The following PRELID2 variants were observed in gnomAD, a reference collection of about 807,000 sequenced individuals.
PRELID2 encodes the protein PRELI domain-containing protein 2.
Under a neutral mutation model 28.4 loss-of-function variants are expected in PRELID2, and 25 were observed. The ratio of observed to expected loss-of-function variants is 0.88; its 90% CI spans 0.64 to 1.23. PRELID2 has a LOEUF of 1.23. Among genes scored for constraint, PRELID2 ranks in the 50% most tolerant of loss-of-function variants. PRELID2 has a pLI of 0.00. For missense variants in PRELID2, 201 were observed against 214.4 expected (o/e 0.94, Z 0.39); for synonymous variants, 76 against 71.6 (o/e 1.06, Z -0.31).
intron 1 of PRELID2, among the ~76,000 whole-genome samples, chr5:145,673,810 CTATTAT>C (rs990473763): frequency 4.6e-5 from 7 of 152,146 alleles, no homozygotes; most frequent in Admixed American, 1.3e-4. Flanking sequence ...AGGACAATAA[CTATTAT>C]TATTATTACA....
At chr5:145,291,688 A>C in the PRELID2 span, among the ~76,000 whole-genome samples, 1 of 152,124 alleles carries the variant, frequency 6.6e-6, no homozygotes, top group Non-Finnish European at 1.5e-5. Flanking sequence ...GTTGTTTCTA[A>C]AAACTCACCA....
the PRELID2 span, among the ~76,000 whole-genome samples, chr5:145,416,398 A>G: frequency 6.6e-6 from 1 of 152,028 alleles, no homozygotes; most frequent in Admixed American, 6.6e-5. Flanking sequence ...AATGGCAACA[A>G]AAGACAAAAT....
the PRELID2 span, among the ~76,000 whole-genome samples, chr5:145,304,275 T>C: frequency 2.0e-5 from 3 of 152,194 alleles, no homozygotes; most frequent in Non-Finnish European, 2.9e-5. Context: ...ATTATTATGA[T>C]TATTACTATT....
chr5:145,740,265 AATATATATATATATATATATATAT>A (rs70998029), intron 1 of PRELID2, among the ~76,000 whole-genome samples: 1,667 of 40,712 alleles, frequency 0.041, 65 homozygotes, highest in East Asian at 0.13. Context: ...GGATTTATCA[AATATATATATATATATATATATAT>A]ATATATATAT....
chr5:145,697,058 T>C (rs1235962450), intron 1 of PRELID2, among the ~76,000 whole-genome samples: 1 of 119,996 alleles, frequency 8.3e-6, no homozygotes, highest in South Asian at 2.4e-4. Flanking sequence ...TATATATATA[T>C]ATATATATAT....
chr5:145,786,892 C>A (rs542675956), intron 5 of PRELID2, among the ~76,000 whole-genome samples: 1 of 152,276 alleles, frequency 6.6e-6, no homozygotes, highest in African/African-American at 2.4e-5. Context: ...ACTGCATATT[C>A]TGATTTCTTT....
At chr5:145,594,336 G>A (rs992645961) in intron 1 of PRELID2, among the ~76,000 whole-genome samples, 1 of 151,882 alleles carries the variant, frequency 6.6e-6, no homozygotes, top group Non-Finnish European at 1.5e-5. Context: ...AGTTTGTTTG[G>A]TGTTTTTTTT....
At chr5:145,792,001 C>T (rs1029602467) in intron 5 of PRELID2, among the ~76,000 whole-genome samples, 2 of 152,148 alleles carry the variant, frequency 1.3e-5, no homozygotes, top group Admixed American at 6.6e-5. Context: ...TAGGCCGTTT[C>T]AAGTAGCATG....
intron 1 of PRELID2, among the ~76,000 whole-genome samples, chr5:145,684,056 G>A (rs79378368): frequency 0.038 from 5,724 of 152,158 alleles, 374 homozygotes; most frequent in African/African-American, 0.13. Flanking sequence ...GCCTGGAACC[G>A]GACAAATACA....
chr5:145,681,037 C>G (rs1236593664), intron 1 of PRELID2, among the ~76,000 whole-genome samples: 2 of 152,204 alleles, frequency 1.3e-5, no homozygotes, highest in Non-Finnish European at 2.9e-5. Flanking sequence ...AACCCCACAG[C>G]TGGGGTTGGG....
At chr5:145,774,223 G>A (rs1008868754) in intron 5 of PRELID2, among the ~76,000 whole-genome samples, 1 of 152,182 alleles carries the variant, frequency 6.6e-6, no homozygotes, top group African/African-American at 2.4e-5. Flanking sequence ...ACCATTTCCA[G>A]GTAAGAAAAC....
At chr5:145,284,050 AG>A in the PRELID2 span, among the ~76,000 whole-genome samples, 1 of 152,102 alleles carries the variant, frequency 6.6e-6, no homozygotes, top group Non-Finnish European at 1.5e-5. Context: ...ACTGTTTTCT[AG>A]GTGCTTGAAT....
intron 5 of PRELID2, among the ~76,000 whole-genome samples, chr5:145,767,464 G>A (rs1757836081): frequency 6.6e-6 from 1 of 152,138 alleles, no homozygotes; most frequent in South Asian, 2.1e-4. Flanking sequence ...AAGTGCAAGA[G>A]GCTGTCACAC....
chr5:145,243,787 C>T, the PRELID2 span, among the ~76,000 whole-genome samples: 1 of 152,162 alleles, frequency 6.6e-6, no homozygotes, highest in African/African-American at 2.4e-5. Context: ...ACCATCATTA[C>T]TATTATTATC....
At chr5:145,690,136 C>T (rs1755117838) in intron 1 of PRELID2, among the ~76,000 whole-genome samples, 1 of 151,870 alleles carries the variant, frequency 6.6e-6, no homozygotes, top group South Asian at 2.1e-4. Flanking sequence ...ATTACAGGTG[C>T]ACACCAAACC....
the PRELID2 span, among the ~76,000 whole-genome samples, chr5:145,302,866 T>G: frequency 6.6e-6 from 1 of 152,306 alleles, no homozygotes; most frequent in Admixed American, 6.5e-5. Flanking sequence ...AAGTAGTTAT[T>G]TCTTCAAGCT....
At chr5:145,696,990 G>T (rs1231949203) in intron 1 of PRELID2, among the ~76,000 whole-genome samples, 1 of 143,956 alleles carries the variant, frequency 6.9e-6, no homozygotes, top group African/African-American at 2.5e-5. Flanking sequence ...GAGGCAGGGG[G>T]TACTGATCAA....
At chr5:145,447,573 A>T in the PRELID2 span, among the ~76,000 whole-genome samples, 1 of 130,576 alleles carries the variant, frequency 7.7e-6, no homozygotes, top group Non-Finnish European at 1.6e-5. Context: ...TGCACCCACT[A>T]ACTCGTCATC....
At chr5:145,233,641 C>A in the PRELID2 span, among the ~76,000 whole-genome samples, 1 of 152,126 alleles carries the variant, frequency 6.6e-6, no homozygotes, top group South Asian at 2.1e-4. Flanking sequence ...GCTGACCCAG[C>A]ATCTCTCAGG....
Sources: allele counts gnomAD v4.1 joint callset (sites outside exome capture counted in the v4.1 genomes callset), GRCh38; gene constraint gnomAD v4.1.1; transcripts MANE v1.5; gene names NCBI Gene and HGNC (gene_info 2026-07-23, HGNC 2026-07-21).